SPTBN4: variants seen among roughly 807,000 people sequenced by gnomAD.
SPTBN4 encodes spectrin beta chain, non-erythrocytic 4.
In SPTBN4, 96 loss-of-function variants were observed where a neutral mutation model predicts 277.8. The observed-to-expected ratio is 0.35, with a 90% CI of 0.29 to 0.41. The LOEUF (loss-of-function observed/expected upper bound fraction) is 0.41, where lower values mean the gene tolerates loss of function less well. Ranked by LOEUF, SPTBN4 falls within the 10% of genes least tolerant of loss-of-function variation. The pLI is 1.00. For synonymous variants in SPTBN4, 1,481 were observed against 1,580.3 expected (o/e 0.94, Z 1.49); for missense variants, 3,006 against 3,595.7 (o/e 0.84, Z 4.19).
chr19:40,530,036 G>A (rs762923288), intron 18 of SPTBN4, among the ~76,000 whole-genome samples: 4 of 152,038 alleles, frequency 2.6e-5, no homozygotes, highest in Non-Finnish European at 5.9e-5. Flanking sequence ...GGGGTAGGCC[G>A]GGACTTGAGC....
chr19:40,498,606 C>T (rs995433030), intron 7 of SPTBN4, among the ~76,000 whole-genome samples: 7 of 151,440 alleles, frequency 4.6e-5, no homozygotes, highest in Admixed American at 2.0e-4. Flanking sequence ...GGGGTTTCAC[C>T]GTGTTAGCCA....
rs62107870 is a variant in SPTBN4, at chr19:40,567,448, C to T, written c.6337-215C>T. Among the ~76,000 whole-genome samples, 21,928 of 152,088 alleles carry T rather than the reference C, an allele frequency of 0.14. 1,637 individuals are homozygous for T. The highest frequency in any genetic ancestry group is 0.16 in the Non-Finnish European group (11,069 of 67,984). ...CCAATTTTTAAAAAAGTGATTTAGC[C>T]AATTCTTAAAAGAGCAATAGGTGTT... On this transcript the variant is annotated intron_variant, in intron 30 of 35. Transcript: ENST00000598249.
Position 40,572,472 on chromosome 19 carries a change from G to A in SPTBN4, c.7536+92G>A. The A allele has an allele frequency of 2.7e-6, 4 of 1,469,432 alleles. No individual in the cohort carries two copies. In the South Asian group the frequency reaches 4.5e-5, roughly 17 times the overall value. 91.0% of individuals were successfully genotyped at this position (1,469,432 alleles called of 1,614,324 possible). ...CCAGAGTGATGGGGCTGTGAGAAGGGACACTCACAGGCCAGAGTTATCAGG... is the reference window on the plus strand; with the variant it reads ...CCAGAGTGATGGGGCTGTGAGAAGGAACACTCACAGGCCAGAGTTATCAGG... On this transcript the variant is annotated intron_variant, in intron 35 of 35. Coordinates refer to ENST00000598249, the MANE Select transcript of SPTBN4 (RefSeq NM_020971.3).
At chr19:40,473,898 T>C (rs1235217861) in intron 2 of SPTBN4, among the ~76,000 whole-genome samples, 2 of 151,488 alleles carry the variant, frequency 1.3e-5, no homozygotes, top group African/African-American at 4.9e-5. Flanking sequence ...TCCCAGCACT[T>C]TGGGAGGCAA....
Position 40,575,614 on chromosome 19 carries a change from C to T in SPTBN4, c.*45C>T, listed in dbSNP as rs879825427. ...GACACATCTCGTCTCCCCTCTTTTC[C>T]GCACTGTGGGCACAAAGACACTTTT... On this transcript the variant is annotated 3_prime_UTR_variant, in exon 36 of 36. Coordinates refer to ENST00000598249, the MANE Select transcript of SPTBN4 (RefSeq NM_020971.3). The T allele has an allele frequency of 2.6e-5, 41 of 1,565,530 alleles. No individual in the cohort carries two copies. Among genetic ancestry groups the T allele is most frequent in the African/African-American group, 5.4e-5 (4 of 73,846 alleles).
At chr19:40,511,636 G>T (rs951105562) in intron 13 of SPTBN4, among the ~76,000 whole-genome samples, 1 of 152,208 alleles carries the variant, frequency 6.6e-6, no homozygotes, top group Admixed American at 6.5e-5. Context: ...AAGCACAGTG[G>T]CTCATGCCTA....
intron 24 of SPTBN4, 87 bp from the exon 25 acceptor site, chr19:40,555,997 C>G: frequency 8.5e-7 from 1 of 1,180,764 alleles, no homozygotes; most frequent in Non-Finnish European, 1.2e-6. Flanking sequence ...GAAACACAGC[C>G]CTGTCCTGGG....
chr19:40,545,075 A>T (rs1273563355), intron 20 of SPTBN4, among the ~76,000 whole-genome samples: 1 of 151,546 alleles, frequency 6.6e-6, no homozygotes, highest in Admixed American at 6.6e-5. Context: ...TTTTTTCTTA[A>T]AAAAATTTTT....
chr19:40,547,432 A>G (rs937241268), intron 20 of SPTBN4, among the ~76,000 whole-genome samples: 3 of 152,088 alleles, frequency 2.0e-5, no homozygotes, highest in African/African-American at 4.8e-5. Context: ...TCTATCATTG[A>G]TGGACATTTG....
chr19:40,504,697 A>T (rs2080305308), intron 12 of SPTBN4, among the ~76,000 whole-genome samples: 2 of 151,958 alleles, frequency 1.3e-5, no homozygotes, highest in South Asian at 4.1e-4. Flanking sequence ...AACAAAAAAC[A>T]ATTAGCTGGG....
In SPTBN4 at chr19:40,506,395, T is replaced by A; in HGVS notation, c.1816+9T>A. 6.2e-7 allele frequency: 1 copy of A among 1,603,394 alleles called. No individual in the cohort carries two copies. The highest frequency in any genetic ancestry group is 1.7e-4 in the Middle Eastern group (1 of 6,026). On this transcript the variant is annotated intron_variant, in intron 13 of 35. Transcript: ENST00000598249. ...CTTCTCCCAGCTGCAGGGTGAGTCT[T>A]GGGGCTGGGGCTGGGGCTATGGGTG...
Position 40,502,070 on chromosome 19 carries a change from G to A in SPTBN4, c.897+37G>A. On this transcript the variant is annotated intron_variant, in intron 8 of 35. Transcript: ENST00000598249. The surrounding 1 kb of genome is among the most constrained non-coding windows in gnomAD (Gnocchi z 4.9). Reference sequence around the variant, plus strand: ...CAAGGAGTGGGTGAGTGGGAAGCTGGAAGCTGGTGGCAGGCACGGGTGGGA... The same window carrying A: ...CAAGGAGTGGGTGAGTGGGAAGCTGAAAGCTGGTGGCAGGCACGGGTGGGA... The A allele has an allele frequency of 6.2e-7, 1 of 1,613,866 alleles. No individual in the cohort carries two copies. Among genetic ancestry groups the A allele is most frequent in the East Asian group, 2.2e-5 (1 of 44,888 alleles).
At chr19:40,531,534 T>A (rs938289041) in intron 18 of SPTBN4, among the ~76,000 whole-genome samples, 1 of 73,150 alleles carries the variant, frequency 1.4e-5, no homozygotes, top group East Asian at 3.7e-4. Context: ...GTGACTGGAG[T>A]GGGGAGGAGA....
Position 40,512,922 on chromosome 19 carries a change from G to A in SPTBN4, c.2133G>A (p.Arg711=), listed in dbSNP as rs1411187137. Residue 711 remains arginine (R), a synonymous_variant, in exon 14 of 36, where the codon CGG becomes CGA. Transcript: ENST00000598249. ...HKILQGELGG[R]RALLQQALRC... ...TCCTGCAGGGCGAGCTGGGCGGGCG[G>A]CGAGCGTTGCTGCAGCAGGCCCTGC... is the stretch of plus-strand genomic sequence containing the variant. The A allele has an allele frequency of 2.1e-6, 3 of 1,425,986 alleles. No individual in the cohort carries two copies. Among genetic ancestry groups the A allele is most frequent in the Non-Finnish European group, 2.7e-6 (3 of 1,101,034 alleles). 88.3% of individuals were successfully genotyped at this position (1,425,986 alleles called of 1,614,324 possible). A position where few individuals can be genotyped will look rare whatever the true frequency, so the allele number is the denominator to read the frequency against.
Position 40,502,738 on chromosome 19 carries a change from C to T in SPTBN4, c.1204-37C>T, listed in dbSNP as rs1419895949. 6.2e-7 allele frequency: 1 copy of T among 1,605,784 alleles called. No individual in the cohort carries two copies. The highest frequency in any genetic ancestry group is 2.2e-5 in the East Asian group (1 of 44,812). On this transcript the variant is annotated intron_variant, in intron 10 of 35. Transcript: ENST00000598249. The surrounding 1 kb of genome is among the most constrained non-coding windows in gnomAD (Gnocchi z 4.9). ...GTCAAGACCATTAAACTGTGGGGAG[C>T]TGTCAGAGTCTGAGTGCCTCCTCCC...
intron 2 of SPTBN4, among the ~76,000 whole-genome samples, chr19:40,486,163 C>T (rs2080070072): frequency 6.6e-6 from 1 of 151,848 alleles, no homozygotes; most frequent in Non-Finnish European, 1.5e-5. Flanking sequence ...TGGTGGCATG[C>T]TCCTTTGGTC....
At chr19:40,468,926 C>T (rs2079854776) in intron 1 of SPTBN4, among the ~76,000 whole-genome samples, 1 of 151,996 alleles carries the variant, frequency 6.6e-6, no homozygotes. Flanking sequence ...TAGTGAGACC[C>T]CCTCTCTACA....
In SPTBN4 at chr19:40,504,152, G is replaced by GGGGGGGGGGGGGGGGGGGGGGGA; in HGVS notation, c.1665+20_1665+21insGGGGGGGGGGGGGGGGGGGGGGA. On this transcript the variant is annotated intron_variant, in intron 12 of 35. Coordinates refer to ENST00000598249, the MANE Select transcript of SPTBN4 (RefSeq NM_020971.3). ...ATGCAGGTGCCGGCGGGGGGGCGGG[G>GGGGGGGGGGGGGGGGGGGGGGGA]ATGCGGGTGGAGTGCCAGGAGGGAG... The GGGGGGGGGGGGGGGGGGGGGGGA allele has an allele frequency of 1.1e-6, 1 of 877,206 alleles. No homozygotes were observed. The allele number at this position is 877,206 out of a possible 1,614,324, so 54.3% of individuals were successfully genotyped here. A position where few individuals can be genotyped will look rare whatever the true frequency, so the allele number is the denominator to read the frequency against.
chr19:40,540,520 G>A (rs533205295), intron 20 of SPTBN4, among the ~76,000 whole-genome samples: 22 of 151,770 alleles, frequency 1.4e-4, no homozygotes, highest in Non-Finnish European at 8.8e-5. Flanking sequence ...GGGATTATTC[G>A]CGTGAGCCAC....
Sources: allele counts gnomAD v4.1 joint callset (sites outside exome capture counted in the v4.1 genomes callset), GRCh38; gene constraint gnomAD v4.1.1; non-coding constraint Gnocchi (gnomAD v3.1); transcripts MANE v1.5; gene names NCBI Gene and HGNC (gene_info 2026-07-23, HGNC 2026-07-21).